Variants in FUCA2 observed in about 807,000 individuals in gnomAD.
The protein encoded by FUCA2 is plasma alpha-L-fucosidase.
Under a neutral mutation model 52.6 loss-of-function variants are expected in FUCA2, and 41 were observed. The ratio of observed to expected loss-of-function variants is 0.78; its 90% CI spans 0.61 to 1.01. The LOEUF (loss-of-function observed/expected upper bound fraction) is 1.01, where lower values mean the gene tolerates loss of function less well. Ranked by LOEUF, FUCA2 falls within the 50% of genes least tolerant of loss-of-function variation. The probability of loss-of-function intolerance (pLI) is 0.00; values close to 1 mark genes in which losing one functional copy is unlikely to be tolerated. For missense variants in FUCA2, 507 were observed against 569.5 expected (o/e 0.89, Z 1.12); for synonymous variants, 211 against 217.3 (o/e 0.97, Z 0.26).
In FUCA2 at chr6:143,499,443, C is replaced by T. The variant is rs1391309264; in HGVS notation, c.1155-1946G>A. 6.6e-6 allele frequency among the ~76,000 whole-genome samples: 1 copy of T among 152,100 alleles called. No individual in the cohort carries two copies. The highest frequency in any genetic ancestry group is 1.5e-5 in the Non-Finnish European group (1 of 68,006). On this transcript the variant is annotated intron_variant, in intron 5 of 6. Transcript: ENST00000002165. The surrounding 1 kb of genome is among the most constrained non-coding windows in gnomAD (Gnocchi z 6.0). ...TGGTGGCGGACACCTGTAATCCCAG[C>T]TACTCAGGAGGCTGAGGCAGGAGAA...
Position 143,499,614 on chromosome 6 carries a change from A to C in FUCA2, c.1155-2117T>G, listed in dbSNP as rs939200468. On this transcript the variant is annotated intron_variant, in intron 5 of 6. Coordinates refer to ENST00000002165, the MANE Select transcript of FUCA2 (RefSeq NM_032020.5). This position sits in a 1 kb window ranked among gnomAD's most constrained non-coding sequence, Gnocchi z 6.0. The stretch of plus-strand genomic sequence containing the variant: ...TTGGAAAAATGAGATGAAATCAGCA[A>C]AGGAACTAACTAAGAAGGAAGAGCC... Among the ~76,000 whole-genome samples the C allele has an allele frequency of 1.1e-4, 17 of 152,228 alleles. No individual in the cohort carries two copies. Among genetic ancestry groups the C allele is most frequent in the African/African-American group, 3.9e-4 (16 of 41,454 alleles).
Position 143,502,885 on chromosome 6 carries a change from T to C in FUCA2, c.753-320A>G. 1 of 203,772 alleles carries C rather than the reference T, an allele frequency of 4.9e-6. No homozygotes were observed. Among genetic ancestry groups the C allele is most frequent in the Non-Finnish European group, 1.0e-5 (1 of 99,720 alleles). 12.6% of individuals were successfully genotyped at this position (203,772 alleles called of 1,614,324 possible). The stretch of plus-strand genomic sequence containing the variant: ...ACATATAGCACTCATAAGAGTATTA[T>C]ATGAATATTTTAAGCTCCCTTCCAT... On this transcript the variant is annotated intron_variant, in intron 3 of 6. Coordinates refer to ENST00000002165, the MANE Select transcript of FUCA2 (RefSeq NM_032020.5). This position sits in a 1 kb window ranked among gnomAD's most constrained non-coding sequence, Gnocchi z 4.1.
Position 143,503,442 on chromosome 6 carries a change from G to A in FUCA2, c.752+471C>T, listed in dbSNP as rs1780557395. On this transcript the variant is annotated intron_variant, in intron 3 of 6. Coordinates refer to ENST00000002165, the MANE Select transcript of FUCA2 (RefSeq NM_032020.5). The surrounding 1 kb of genome is among the most constrained non-coding windows in gnomAD (Gnocchi z 4.8). ...GCAATAGGAAAAAACTGGAGAAAGT[G>A]AAAAGGCTGCGATGAAGGAAAAGAG... 1 of 157,020 alleles carries A rather than the reference G, an allele frequency of 6.4e-6. No individual in the cohort carries two copies. The highest frequency in any genetic ancestry group is 2.4e-5 in the African/African-American group (1 of 41,488). 9.7% of individuals were successfully genotyped at this position (157,020 alleles called of 1,614,324 possible). A position where few individuals can be genotyped will look rare whatever the true frequency, so the allele number is the denominator to read the frequency against.
Position 143,495,747 on chromosome 6 carries a change from C to G in FUCA2, c.1364G>C (p.Cys455Ser). 1 of 1,614,130 alleles carries G rather than the reference C, an allele frequency of 6.2e-7. No individual in the cohort carries two copies. Among genetic ancestry groups the G allele is most frequent in the Non-Finnish European group, 8.5e-7 (1 of 1,179,984 alleles). Residue 455 changes from cysteine (C) to serine (S), a missense_variant, in exon 7 of 7, where the codon TGT (cysteine) becomes TCT (serine). By Grantham distance (112) the Cys-to-Ser change is moderately radical (BLOSUM62 -1). Coordinates refer to ENST00000002165, the MANE Select transcript of FUCA2 (RefSeq NM_032020.5). The surrounding 1 kb of genome is among the most constrained non-coding windows in gnomAD (Gnocchi z 5.2). ...LPQLTIHQMPCKWGWALALTN... is the reference protein window; with the variant it reads ...LPQLTIHQMPSKWGWALALTN... ...CAGGGCTAGAGCCCAGCCCCATTTACACGGCATCTGATGAATGGTTAGCTG... is the reference window on the plus strand; with the variant it reads ...CAGGGCTAGAGCCCAGCCCCATTTAGACGGCATCTGATGAATGGTTAGCTG...
In FUCA2 at chr6:143,501,052, A is replaced by T. The variant is rs1334910892; in HGVS notation, c.1154+880T>A. 1.3e-5 allele frequency among the ~76,000 whole-genome samples: 2 copies of T among 152,208 alleles called. No homozygotes were observed. Among genetic ancestry groups the T allele is most frequent in the Non-Finnish European group, 2.9e-5 (2 of 68,032 alleles). ...ATGATTGTGAAGTCCCAGATCAGAT[A>T]CCCTCATATTCAAATGTAAGTATTC... On this transcript the variant is annotated intron_variant, in intron 5 of 6. Coordinates refer to ENST00000002165, the MANE Select transcript of FUCA2 (RefSeq NM_032020.5). The surrounding 1 kb of genome is among the most constrained non-coding windows in gnomAD (Gnocchi z 6.1).
In FUCA2 at chr6:143,504,848, C is replaced by G. The variant is rs1438542227; in HGVS notation, c.413-596G>C. On this transcript the variant is annotated intron_variant, in intron 2 of 6. Coordinates refer to ENST00000002165, the MANE Select transcript of FUCA2 (RefSeq NM_032020.5). This position sits in a 1 kb window ranked among gnomAD's most constrained non-coding sequence, Gnocchi z 4.4. ...CTTTTAGCCTGATTATTTATTTAAC[C>G]AGAGGGGCAAAAAAAAACCCCTACT... The G allele has an allele frequency of 6.8e-6, 1 of 146,398 alleles. No homozygotes were observed. The highest frequency in any genetic ancestry group is 2.6e-5 in the African/African-American group (1 of 37,960). 9.1% of individuals were successfully genotyped at this position (146,398 alleles called of 1,614,324 possible). A position where few individuals can be genotyped will look rare whatever the true frequency, so the allele number is the denominator to read the frequency against.
intron 6 of FUCA2, chr6:143,496,296 GCAAATT>G: frequency 6.5e-6 from 1 of 153,180 alleles, no homozygotes; most frequent in Non-Finnish European, 1.5e-5. Context: ...ACTATACTAA[GCAAATT>G]CAAATAAGTT....
In FUCA2 at chr6:143,502,334, C is replaced by T. The variant is rs1233009899; in HGVS notation, c.963+21G>A. The stretch of plus-strand genomic sequence containing the variant: ...ACTATTAAGAATATTATGTTAATAG[C>T]CACCAGACATTTCACTGTACCTTCA... On this transcript the variant is annotated intron_variant, in intron 4 of 6. Coordinates refer to ENST00000002165, the MANE Select transcript of FUCA2 (RefSeq NM_032020.5). The surrounding 1 kb of genome is among the most constrained non-coding windows in gnomAD (Gnocchi z 4.1). 6 of 1,601,012 alleles carry T rather than the reference C, an allele frequency of 3.7e-6. No individual in the cohort carries two copies. The highest frequency in any genetic ancestry group is 3.4e-6 in the Non-Finnish European group (4 of 1,169,698).
chr6:143,495,639 A>C lies in FUCA2; in HGVS notation c.*68T>G. 6.9e-7 allele frequency: 1 copy of C among 1,458,270 alleles called. No individual in the cohort carries two copies. Among genetic ancestry groups the C allele is most frequent in the Non-Finnish European group, 9.3e-7 (1 of 1,074,340 alleles). The allele number at this position is 1,458,270 out of a possible 1,614,324, so 90.3% of individuals were successfully genotyped here. On this transcript the variant is annotated 3_prime_UTR_variant, in exon 7 of 7. Coordinates refer to ENST00000002165, the MANE Select transcript of FUCA2 (RefSeq NM_032020.5). The surrounding 1 kb of genome is among the most constrained non-coding windows in gnomAD (Gnocchi z 5.2). ...TTTACATTTGCTTTCTCCATGTGCTACAATTATAGACACCTGATAGTTCCT... is the reference window on the plus strand; with the variant it reads ...TTTACATTTGCTTTCTCCATGTGCTCCAATTATAGACACCTGATAGTTCCT...
At position 143,500,388 on chromosome 6, in the gene FUCA2, G is replaced by A. The variant is rs976024550; in HGVS notation, c.1154+1544C>T. Among the ~76,000 whole-genome samples the A allele has an allele frequency of 1.1e-4, 16 of 152,144 alleles. No individual in the cohort carries two copies. The highest frequency in any genetic ancestry group is 3.9e-4 in the African/African-American group (16 of 41,424). ...ATCCTTCAAACTGGAGCCGTGGAAG[G>A]GGTTCAGTTATTGGTAATGCAAAGT... is the stretch of plus-strand genomic sequence containing the variant. On this transcript the variant is annotated intron_variant, in intron 5 of 6. Coordinates refer to ENST00000002165, the MANE Select transcript of FUCA2 (RefSeq NM_032020.5). The surrounding 1 kb of genome is among the most constrained non-coding windows in gnomAD (Gnocchi z 6.9).
In FUCA2 at chr6:143,511,464, G is replaced by A. The variant is rs1414263116; in HGVS notation, c.171C>T (p.Ile57=). The change falls in exon 1 of 7, where the codon ATC becomes ATT. Residue 57 remains isoleucine, a synonymous_variant. Transcript: ENST00000002165. This position sits in a 1 kb window ranked among gnomAD's most constrained non-coding sequence, Gnocchi z 6.3. ...PAWFDQAKFG[I]FIHWGVFSVP... The stretch of plus-strand genomic sequence containing the variant: ...CGGAAAACACTCCCCAGTGGATGAA[G>A]ATGCCGAACTTGGCCTGGTCAAACC... The A allele has an allele frequency of 3.1e-6, 5 of 1,610,570 alleles. No individual in the cohort carries two copies. Among genetic ancestry groups the A allele is most frequent in the South Asian group, 1.1e-5 (1 of 90,298 alleles).
In FUCA2 at chr6:143,499,022, A is replaced by G. The variant is rs991682718; in HGVS notation, c.1155-1525T>C. On this transcript the variant is annotated intron_variant, in intron 5 of 6. Transcript: ENST00000002165. The surrounding 1 kb of genome is among the most constrained non-coding windows in gnomAD (Gnocchi z 6.0). ...AGGTTTTGGGCTTGACAACCACCTA[A>G]AGGATGAAGCTGCCGTTAACTGAGA... Among the ~76,000 whole-genome samples, 1 of 152,198 alleles carries G rather than the reference A, an allele frequency of 6.6e-6. No homozygotes were observed. Among genetic ancestry groups the G allele is most frequent in the Non-Finnish European group, 1.5e-5 (1 of 68,030 alleles).
chr6:143,500,893 A>G lies in FUCA2; in HGVS notation c.1154+1039T>C, dbSNP rs563448337. Among the ~76,000 whole-genome samples the G allele has an allele frequency of 7.1e-4, 108 of 152,302 alleles. No individual in the cohort carries two copies. Among genetic ancestry groups the G allele is most frequent in the South Asian group, 2.7e-3 (13 of 4,832 alleles). On this transcript the variant is annotated intron_variant, in intron 5 of 6. Coordinates refer to ENST00000002165, the MANE Select transcript of FUCA2 (RefSeq NM_032020.5). The surrounding 1 kb of genome is among the most constrained non-coding windows in gnomAD (Gnocchi z 6.9). The stretch of plus-strand genomic sequence containing the variant: ...TGAACCCTGGGGGAAGAAGGCTCCT[A>G]TGGTGAGGAGGGAGAGCAGGACCAC...
chr6:143,504,945 T>C lies in FUCA2; in HGVS notation c.413-693A>G, dbSNP rs1177636814. On this transcript the variant is annotated intron_variant, in intron 2 of 6. Transcript: ENST00000002165. The surrounding 1 kb of genome is among the most constrained non-coding windows in gnomAD (Gnocchi z 4.4). ...TCATCCTACTATAAAATCATAAGCT[T>C]GGATGTTCCTCTTTAATAAAATTAC... 6.6e-6 allele frequency: 1 copy of C among 152,180 alleles called. No homozygotes were observed. The highest frequency in any genetic ancestry group is 2.4e-5 in the African/African-American group (1 of 41,436). 9.4% of individuals were successfully genotyped at this position (152,180 alleles called of 1,614,324 possible).
intron 2 of FUCA2, chr6:143,505,107 G>C (rs780882120): frequency 6.6e-6 from 1 of 152,030 alleles, no homozygotes; most frequent in Non-Finnish European, 1.5e-5. Context: ...TGTTAGAAGA[G>C]ATATATAAAC....
At chr6:143,508,787 C>G (rs768206199) in intron 1 of FUCA2, among the ~76,000 whole-genome samples, 5 of 152,230 alleles carry the variant, frequency 3.3e-5, no homozygotes, top group Admixed American at 6.5e-5. Context: ...AATGAACCGA[C>G]TACTCTAAAT....
In FUCA2 at chr6:143,501,715, T is replaced by C. The variant is rs509185; in HGVS notation, c.1154+217A>G. On this transcript the variant is annotated intron_variant, in intron 5 of 6. Transcript: ENST00000002165. This position sits in a 1 kb window ranked among gnomAD's most constrained non-coding sequence, Gnocchi z 6.1. The stretch of plus-strand genomic sequence containing the variant: ...AATTTGTCCACTACTGGGAGATACC[T>C]AGAAATGATGTAAGCTCAATCTGAT... Among the ~76,000 whole-genome samples, 58,617 of 152,072 alleles carry C rather than the reference T, an allele frequency of 0.39. 11,451 individuals are homozygous for C. Among genetic ancestry groups the C allele is most frequent in the East Asian group, 0.52 (2,675 of 5,168 alleles).
In FUCA2 at chr6:143,511,642, C is replaced by A. The variant is rs1172275540; in HGVS notation, c.-8G>T. The stretch of plus-strand genomic sequence containing the variant: ...GAGCTCCTGGGGCCGCATGTCCCGG[C>A]GCAGGCCGGCTGTCCTCTCTGCAGG... On this transcript the variant is annotated 5_prime_UTR_variant, in exon 1 of 7. Transcript: ENST00000002165. This position sits in a 1 kb window ranked among gnomAD's most constrained non-coding sequence, Gnocchi z 6.3. 4 of 1,502,116 alleles carry A rather than the reference C, an allele frequency of 2.7e-6. No individual in the cohort carries two copies. Among genetic ancestry groups the A allele is most frequent in the South Asian group, 1.3e-5 (1 of 76,104 alleles). 93.0% of individuals were successfully genotyped at this position (1,502,116 alleles called of 1,614,324 possible).
At position 143,511,335 on chromosome 6, in the gene FUCA2, G is replaced by C. The variant is rs1169370734; in HGVS notation, c.224+76C>G. On this transcript the variant is annotated intron_variant, in intron 1 of 6. Coordinates refer to ENST00000002165, the MANE Select transcript of FUCA2 (RefSeq NM_032020.5). This position sits in a 1 kb window ranked among gnomAD's most constrained non-coding sequence, Gnocchi z 6.3. ...GCAGGCAGCACCAGGCGGCGAACCAGGCCCGCTGGGTGGTGGCTGGAGGCT... is the reference window on the plus strand; with the variant it reads ...GCAGGCAGCACCAGGCGGCGAACCACGCCCGCTGGGTGGTGGCTGGAGGCT... 1.4e-6 allele frequency: 2 copies of C among 1,392,832 alleles called. No homozygotes were observed. The highest frequency in any genetic ancestry group is 2.9e-5 in the African/African-American group (2 of 68,662). The allele number at this position is 1,392,832 out of a possible 1,614,324, so 86.3% of individuals were successfully genotyped here.
Sources: gnomAD v4.1 joint callset for allele counts (sites outside exome capture counted in the v4.1 genomes callset) on GRCh38, gnomAD v4.1.1 for gene constraint, Gnocchi (gnomAD v3.1) non-coding constraint, MANE v1.5 for transcripts, NCBI Gene and HGNC (gene_info 2026-07-23, HGNC 2026-07-21) for gene names.